USP25: variants seen among roughly 807,000 people sequenced by gnomAD.
USP25 encodes the protein ubiquitin specific peptidase 25.
USP25 carries 85 observed loss-of-function variants against 158.5 expected under a neutral mutation model. The ratio of observed to expected loss-of-function variants is 0.54; its 90% CI spans 0.45 to 0.64. The LOEUF (loss-of-function observed/expected upper bound fraction) is 0.64. USP25 is among the 30% of genes least tolerant of loss of function. The pLI is 0.00. For synonymous variants in USP25, 464 were observed against 460.4 expected (o/e 1.01, Z -0.10); for missense variants, 1,242 against 1,327.3 (o/e 0.94, Z 1.00).
At chr21:15,743,550 T>C (rs1218169122) in intron 1 of USP25, among the ~76,000 whole-genome samples, 1 of 152,150 alleles carries the variant, frequency 6.6e-6, no homozygotes, top group Non-Finnish European at 1.5e-5. Context: ...AGATGTGGGC[T>C]GGAGGTAGCC....
chr21:15,807,542 C>T (rs985171438), intron 7 of USP25, among the ~76,000 whole-genome samples: 1 of 152,176 alleles, frequency 6.6e-6, no homozygotes, highest in African/African-American at 2.4e-5. Flanking sequence ...TTGGCAGGGC[C>T]ACACTTCCTC....
At chr21:15,873,336 G>T (rs1000090532) in intron 23 of USP25, among the ~76,000 whole-genome samples, 1 of 151,546 alleles carries the variant, frequency 6.6e-6, no homozygotes, top group Non-Finnish European at 1.5e-5. Context: ...GGCCAGGCAG[G>T]TCTTGAACTT....
At chr21:15,804,454 A>G (rs2036278584) in intron 6 of USP25, among the ~76,000 whole-genome samples, 1 of 151,620 alleles carries the variant, frequency 6.6e-6, no homozygotes, top group South Asian at 2.1e-4. Flanking sequence ...TATAAAATAA[A>G]TGAGTATAAA....
At chr21:15,739,355 TTAAC>T (rs2031825137) in intron 1 of USP25, among the ~76,000 whole-genome samples, 1 of 152,208 alleles carries the variant, frequency 6.6e-6, no homozygotes, top group African/African-American at 2.4e-5. Flanking sequence ...TAGGTTCTGT[TTAAC>T]TAAAAGATAT....
intron 14 of USP25, among the ~76,000 whole-genome samples, chr21:15,829,328 T>TAGGGTGG (rs1017232889): frequency 4.6e-5 from 7 of 152,190 alleles, no homozygotes; most frequent in African/African-American, 1.7e-4. Context: ...CACCCTAATG[T>TAGGGTGG]AGGCCCCAAT....
chr21:15,733,910 A>G (rs1301462649), intron 1 of USP25, among the ~76,000 whole-genome samples: 2 of 152,246 alleles, frequency 1.3e-5, no homozygotes, highest in Non-Finnish European at 2.9e-5. Flanking sequence ...CTAGGAGAAT[A>G]GGCAGTGGTA....
At chr21:15,824,188 G>T in intron 11 of USP25, 22 bp downstream of exon 11, 1 of 1,607,226 alleles carries the variant, frequency 6.2e-7, no homozygotes, top group South Asian at 1.1e-5. Flanking sequence ...TATACTGCAT[G>T]ACTTAGTTTG....
intron 20 of USP25, among the ~76,000 whole-genome samples, chr21:15,853,479 T>C (rs1157429528): frequency 6.6e-6 from 1 of 152,174 alleles, no homozygotes; most frequent in Non-Finnish European, 1.5e-5. Flanking sequence ...TTTGAATTAG[T>C]TTAGAGTACT....
chr21:15,812,570 G>T (rs989830781), intron 9 of USP25, among the ~76,000 whole-genome samples: 1 of 151,528 alleles, frequency 6.6e-6, no homozygotes, highest in Non-Finnish European at 1.5e-5. Context: ...AGAATGACGT[G>T]AACCCAGGAG....
At chr21:15,765,933 A>G (rs1166786015) in intron 2 of USP25, 64 bp from the exon 3 acceptor site, 1 of 1,528,214 alleles carries the variant, frequency 6.5e-7, no homozygotes, top group African/African-American at 1.4e-5. Flanking sequence ...AGAATATTGT[A>G]TAACTTTTTT....
chr21:15,766,193 T>C lies in USP25; in HGVS notation c.268+52T>C. 1 of 1,522,102 alleles carries C rather than the reference T, an allele frequency of 6.6e-7. No homozygotes were observed. The highest frequency in any genetic ancestry group is 8.8e-7 in the Non-Finnish European group (1 of 1,142,544). The allele number at this position is 1,522,102 out of a possible 1,614,324, so 94.3% of individuals were successfully genotyped here. On this transcript the variant is annotated intron_variant, in intron 3 of 25. Coordinates refer to ENST00000400183, the MANE Select transcript of USP25 (RefSeq NM_001283041.3). This position sits in a 1 kb window ranked among gnomAD's most constrained non-coding sequence, Gnocchi z 4.0. ...TTTAATAGAAACATACTGAAAAACT[T>C]TTCTTGGTGTAATATATTAATGTTG...
chr21:15,809,308 T>A (rs1383245130), intron 8 of USP25, among the ~76,000 whole-genome samples: 5 of 152,170 alleles, frequency 3.3e-5, no homozygotes, highest in Admixed American at 6.5e-5. Flanking sequence ...GGGATCTTGC[T>A]GGCAGTGAAA....
intron 1 of USP25, among the ~76,000 whole-genome samples, chr21:15,733,959 T>G (rs1478854226): frequency 6.6e-6 from 1 of 152,214 alleles, no homozygotes; most frequent in Non-Finnish European, 1.5e-5. Context: ...AACCACCTTT[T>G]TGTCACCTTG....
In USP25 at chr21:15,866,453, A is replaced by G. The variant is rs553016072; in HGVS notation, c.2805+109A>G. 20 of 705,682 alleles carry G rather than the reference A, an allele frequency of 2.8e-5. No individual in the cohort carries two copies. The South Asian group carries it at 8.0e-4, about 28-fold the overall frequency. 43.7% of individuals were successfully genotyped at this position (705,682 alleles called of 1,614,324 possible). A position where few individuals can be genotyped will look rare whatever the true frequency, so the allele number is the denominator to read the frequency against. On this transcript the variant is annotated intron_variant, in intron 22 of 25. Transcript: ENST00000400183. ...GTTGAATTTGTTATGAATGATGAGT[A>G]AAAAAATTAAGTTTCCAAGTCAATG...
At chr21:15,860,691 G>A (rs2039386476) in intron 20 of USP25, among the ~76,000 whole-genome samples, 1 of 151,926 alleles carries the variant, frequency 6.6e-6, no homozygotes. Context: ...TTCATTTCTT[G>A]GCACTGTCAG....
intron 1 of USP25, among the ~76,000 whole-genome samples, chr21:15,749,987 G>A (rs114642058): frequency 0.012 from 1,815 of 152,126 alleles, 34 homozygotes; most frequent in African/African-American, 0.041. Flanking sequence ...GATGAGTGGC[G>A]TGGGTCTGGG....
Position 15,800,224 on chromosome 21 carries a change from C to T in USP25, c.642+381C>T, listed in dbSNP as rs80178255. Reference sequence around the variant, plus strand: ...GTCTTGTGCAGCCCTTTAAAAAATGCGTTTTGCATTCATGTCTTTGCAGTA... The same window carrying T: ...GTCTTGTGCAGCCCTTTAAAAAATGTGTTTTGCATTCATGTCTTTGCAGTA... On this transcript the variant is annotated intron_variant, in intron 6 of 25. Transcript: ENST00000400183. 3.4e-3 allele frequency among the ~76,000 whole-genome samples: 510 copies of T among 151,042 alleles called. 5 individuals carry two copies. Among genetic ancestry groups the T allele is most frequent in the African/African-American group, 0.011 (475 of 41,386 alleles).
chr21:15,735,776 T>C (rs1360891978), intron 1 of USP25, among the ~76,000 whole-genome samples: 1 of 152,206 alleles, frequency 6.6e-6, no homozygotes, highest in Non-Finnish European at 1.5e-5. Flanking sequence ...GAAGATTTGG[T>C]GAACATGACT....
At chr21:15,799,735 T>G (rs1282773080) in intron 5 of USP25, 22 bp from the exon 6 acceptor site, 4 of 1,536,900 alleles carry the variant, frequency 2.6e-6, no homozygotes, top group Admixed American at 1.9e-5. Flanking sequence ...TCAGGTTATG[T>G]TAAATTGTTG....
Sources: gnomAD v4.1 joint callset for allele counts (sites outside exome capture counted in the v4.1 genomes callset) on GRCh38, gnomAD v4.1.1 for gene constraint, Gnocchi (gnomAD v3.1) non-coding constraint, MANE v1.5 for transcripts, NCBI Gene and HGNC (gene_info 2026-07-23, HGNC 2026-07-21) for gene names.